Variants in KNG1 observed in about 807,000 individuals in gnomAD.
KNG1 encodes kininogen 1.
In KNG1, 23 loss-of-function variants were observed where a neutral mutation model predicts 47.8. That is an observed-to-expected ratio of 0.48 (90% CI 0.35 to 0.68). The LOEUF is 0.68. Ranked by LOEUF, KNG1 falls within the 30% of genes least tolerant of loss-of-function variation. The pLI is 0.01. For synonymous variants in KNG1, 277 were observed against 277.0 expected (o/e 1.00, Z 0.00); for missense variants, 762 against 790.2 (o/e 0.96, Z 0.43).
chr3:186,742,308 G>A lies in KNG1; in HGVS notation c.1912G>A (p.Asp638Asn), dbSNP rs376740037. 40 of 1,613,682 alleles carry A rather than the reference G, an allele frequency of 2.5e-5. No individual in the cohort carries two copies. The highest frequency in any genetic ancestry group is 3.1e-5 in the Non-Finnish European group (37 of 1,179,818). The change falls in exon 10 of 10, where the codon GAT becomes AAT. Residue 638 changes from aspartate to asparagine, a missense_variant. Coordinates refer to ENST00000644859, the MANE Select transcript of KNG1 (RefSeq NM_001102416.3). ...ACAAATGAAAGAATCTTATTATTTC[G>A]ATCTCACTGATGGCCTTTCTTAATT... is the stretch of plus-strand genomic sequence containing the variant. ...TTQMKESYYF[D>N]LTDGLS
chr3:186,730,452 G>A (rs900756735), intron 5 of KNG1, among the ~76,000 whole-genome samples: 3 of 151,218 alleles, frequency 2.0e-5, no homozygotes, highest in African/African-American at 7.3e-5. Flanking sequence ...TCAGGAGTTC[G>A]AGATCAGCCT....
intron 7 of KNG1, chr3:186,736,128 CA>C (rs1720665400): frequency 6.6e-6 from 1 of 152,162 alleles, no homozygotes; most frequent in Non-Finnish European, 1.5e-5. Flanking sequence ...TTAAGGATGT[CA>C]GGGGGACACA....
chr3:186,730,713 TATACAC>T (rs1188029911), intron 5 of KNG1, among the ~76,000 whole-genome samples: 1 of 110,640 alleles, frequency 9.0e-6, no homozygotes, highest in Non-Finnish European at 1.7e-5. Flanking sequence ...TATATATATA[TATACAC>T]ACACACACAC....
In KNG1 at chr3:186,743,316, A is replaced by C. The variant is rs931116982; in HGVS notation, c.*985A>C. The C allele has an allele frequency of 5.3e-6, 1 of 189,356 alleles. No homozygotes were observed. The highest frequency in any genetic ancestry group is 1.1e-5 in the Non-Finnish European group (1 of 89,990). The allele number at this position is 189,356 out of a possible 1,614,324, so 11.7% of individuals were successfully genotyped here. A position where few individuals can be genotyped will look rare whatever the true frequency, so the allele number is the denominator to read the frequency against. On this transcript the variant is annotated 3_prime_UTR_variant, in exon 10 of 10. Coordinates refer to ENST00000644859, the MANE Select transcript of KNG1 (RefSeq NM_001102416.3). ...AAGTTTGTTCCGAAATTTTATGAGG[A>C]AATTACTCTCTAGTCTCACTTTATA...
chr3:186,731,212 C>A (rs1320900043), intron 5 of KNG1, among the ~76,000 whole-genome samples: 4 of 152,012 alleles, frequency 2.6e-5, no homozygotes, highest in Non-Finnish European at 5.9e-5. Context: ...TAAGATGATT[C>A]TTGAAACTGT....
chr3:186,718,993 T>C (rs1163269127), intron 1 of KNG1, among the ~76,000 whole-genome samples: 1 of 147,264 alleles, frequency 6.8e-6, no homozygotes, highest in Non-Finnish European at 1.5e-5. Context: ...TTGGTTACTT[T>C]AGCAGAAAAA....
chr3:186,725,716 TTTA>T (rs1720347894), intron 4 of KNG1, among the ~76,000 whole-genome samples: 1 of 150,678 alleles, frequency 6.6e-6, no homozygotes, highest in Non-Finnish European at 1.5e-5. Context: ...GCTAATTTTT[TTTA>T]TTATTATTAT....
intron 9 of KNG1, among the ~76,000 whole-genome samples, chr3:186,740,893 G>C (rs1388749955): frequency 6.6e-6 from 1 of 151,992 alleles, no homozygotes; most frequent in Non-Finnish European, 1.5e-5. Context: ...CTAGAGATTA[G>C]CTAGTTCAAC....
At chr3:186,722,369 G>C in intron 2 of KNG1, 68 bp from the exon 3 acceptor site, 1 of 1,264,826 alleles carries the variant, frequency 7.9e-7, no homozygotes. Flanking sequence ...GCCACATTTA[G>C]CAACAGTATT....
chr3:186,730,654 A>C (rs1720488350), intron 5 of KNG1, among the ~76,000 whole-genome samples: 1 of 30,574 alleles, frequency 3.3e-5, no homozygotes, highest in Admixed American at 4.3e-4. Flanking sequence ...AGACTCCATC[A>C]CAAAAAAAAA....
At chr3:186,735,034 C>G (rs998702275) in intron 7 of KNG1, among the ~76,000 whole-genome samples, 1 of 152,182 alleles carries the variant, frequency 6.6e-6, no homozygotes, top group African/African-American at 2.4e-5. Flanking sequence ...CAGACACAAC[C>G]ACCCTCTCTC....
chr3:186,729,188 G>A (rs1016941271), intron 5 of KNG1, among the ~76,000 whole-genome samples: 2 of 152,062 alleles, frequency 1.3e-5, no homozygotes, highest in Non-Finnish European at 2.9e-5. Flanking sequence ...TATTAGAAAG[G>A]GCATGGAGAA....
At chr3:186,722,351 T>G in intron 2 of KNG1, 86 bp from the exon 3 acceptor site, 1 of 1,126,762 alleles carries the variant, frequency 8.9e-7, no homozygotes. Context: ...TTTTGCTTTT[T>G]AAGGAAAGCC....
intron 7 of KNG1, 95 bp from the exon 8 acceptor site, chr3:186,739,004 A>G: frequency 1.8e-6 from 2 of 1,084,036 alleles, no homozygotes; most frequent in Non-Finnish European, 2.8e-6. Context: ...TTGGTCAATT[A>G]AAATTTCAAG....
intron 5 of KNG1, 85 bp downstream of exon 5, chr3:186,727,429 C>A: frequency 2.3e-6 from 2 of 884,112 alleles, no homozygotes; most frequent in South Asian, 1.3e-5. Flanking sequence ...GGAAGACTGT[C>A]ACGAAAAGTT....
At chr3:186,735,985 G>GTAT (rs1479207716) in intron 7 of KNG1, 1 of 152,152 alleles carries the variant, frequency 6.6e-6, no homozygotes, top group Non-Finnish European at 1.5e-5. Context: ...AGGCCACCAT[G>GTAT]TATTGTATGT....
intron 9 of KNG1, 124 bp downstream of exon 9, chr3:186,739,538 ACT>A (rs750506209): frequency 1.4e-6 from 1 of 732,938 alleles, no homozygotes. Context: ...ATGGGGAGTA[ACT>A]CTCACACTTC....
intron 2 of KNG1, chr3:186,720,445 C>A: frequency 1.9e-6 from 1 of 537,932 alleles, no homozygotes; most frequent in East Asian, 3.3e-5. Flanking sequence ...GAGAAGGGGG[C>A]TCTAGTGTCC....
chr3:186,720,067 A>T lies in KNG1; in HGVS notation c.196-38A>T, dbSNP rs779356036. The stretch of plus-strand genomic sequence containing the variant: ...CACTAGAATTATTTGCTGTTGGGTC[A>T]GTTGGATGAACCCTAAGTATCTTTG... On this transcript the variant is annotated intron_variant, in intron 1 of 9. Coordinates refer to ENST00000644859, the MANE Select transcript of KNG1 (RefSeq NM_001102416.3). 6 of 1,327,344 alleles carry T rather than the reference A, an allele frequency of 4.5e-6. No homozygotes were observed. In the Admixed American group the frequency reaches 1.0e-4, roughly 22 times the overall value. The allele number at this position is 1,327,344 out of a possible 1,614,324, so 82.2% of individuals were successfully genotyped here.
Sources: allele counts gnomAD v4.1 joint callset (sites outside exome capture counted in the v4.1 genomes callset), GRCh38; gene constraint gnomAD v4.1.1; transcripts MANE v1.5; gene names NCBI Gene and HGNC (gene_info 2026-07-23, HGNC 2026-07-21).